HORMAD2: variants seen among roughly 807,000 people sequenced by gnomAD.
HORMAD2 encodes the protein HORMA domain-containing protein 2.
In HORMAD2, 45 loss-of-function variants were observed where a neutral mutation model predicts 38.8. That is an observed-to-expected ratio of 1.16 (90% CI 0.91 to 1.49). The LOEUF (loss-of-function observed/expected upper bound fraction) is 1.49. Among genes scored for constraint, HORMAD2 ranks in the 40% most tolerant of loss-of-function variants. The pLI is 0.00. For synonymous variants in HORMAD2, 126 were observed against 122.8 expected, an observed-to-expected ratio of 1.03 and a Z score of -0.17; for missense variants, 338 against 367.0, an observed-to-expected ratio of 0.92 and a Z score of 0.65.
intron 1 of HORMAD2, among the ~76,000 whole-genome samples, chr22:30,088,241 A>G (rs998449911): frequency 6.6e-6 from 1 of 150,410 alleles, no homozygotes; most frequent in Admixed American, 6.6e-5. Context: ...ATACACACAT[A>G]TATACATATA....
intron 10 of HORMAD2, among the ~76,000 whole-genome samples, chr22:30,158,437 T>A (rs1390121669): frequency 1.3e-5 from 2 of 152,154 alleles, no homozygotes; most frequent in Non-Finnish European, 2.9e-5. Flanking sequence ...ACTGTAGTGG[T>A]ATAGCTTGCT....
intron 10 of HORMAD2, among the ~76,000 whole-genome samples, chr22:30,157,451 T>C (rs1349563842): frequency 6.6e-6 from 1 of 152,016 alleles, no homozygotes; most frequent in Non-Finnish European, 1.5e-5. Context: ...CCCTCCCTTT[T>C]TTTTTTTTTA....
intron 1 of HORMAD2, among the ~76,000 whole-genome samples, chr22:30,093,650 G>A (rs2068730970): frequency 6.6e-6 from 1 of 152,080 alleles, no homozygotes; most frequent in African/African-American, 2.4e-5. Context: ...ATTAACAATA[G>A]GTACTTTTTT....
intron 10 of HORMAD2, among the ~76,000 whole-genome samples, chr22:30,164,924 C>T (rs1411590890): frequency 6.6e-6 from 1 of 152,170 alleles, no homozygotes; most frequent in Non-Finnish European, 1.5e-5. Context: ...TAATAGCATC[C>T]TTTGATGCAC....
At chr22:30,201,405 G>A in the HORMAD2 span, among the ~76,000 whole-genome samples, 2 of 146,064 alleles carry the variant, frequency 1.4e-5, no homozygotes, top group African/African-American at 2.5e-5. Context: ...GGTACCCAGA[G>A]TTAAGACTTT....
At position 30,152,524 on chromosome 22, in the gene HORMAD2, C is replaced by T. The variant is rs574546500; in HGVS notation, c.820-23539C>T. Among the ~76,000 whole-genome samples the T allele has an allele frequency of 2.0e-5, 3 of 151,072 alleles. No individual in the cohort carries two copies. The East Asian group carries it at 5.9e-4, about 30-fold the overall frequency. On this transcript the variant is annotated intron_variant, in intron 10 of 10. Coordinates refer to ENST00000336726, the MANE Select transcript of HORMAD2 (RefSeq NM_152510.4). ...TTTAAAAATTTTTGTAGAGACTAGG[C>T]CTTGTTATGTTGCCCAGGCTGGTCT...
chr22:30,103,923 G>C (rs1208608937), intron 4 of HORMAD2, among the ~76,000 whole-genome samples: 1 of 151,610 alleles, frequency 6.6e-6, no homozygotes, highest in Admixed American at 6.6e-5. Context: ...GCCCCCCAAA[G>C]TGCTGGGACT....
Position 30,136,628 on chromosome 22 carries a change from T to C in HORMAD2, c.819+14414T>C, listed in dbSNP as rs77624710. The C allele has an allele frequency of 3.4e-3, 518 of 151,964 alleles. 21 individuals carry two copies. The South Asian group carries it at 0.046, about 14-fold the overall frequency. 9.4% of individuals were successfully genotyped at this position (151,964 alleles called of 1,614,324 possible). A position where few individuals can be genotyped will look rare whatever the true frequency, so the allele number is the denominator to read the frequency against. Reference sequence around the variant, plus strand: ...TTTCTTTTCTTCTTCTTTTTTTTTTTCCACAAATAGGGCTTTTAATTTGAC... The same window carrying C: ...TTTCTTTTCTTCTTCTTTTTTTTTTCCCACAAATAGGGCTTTTAATTTGAC... On this transcript the variant is annotated intron_variant, in intron 10 of 10. Transcript: ENST00000336726.
chr22:30,166,756 A>G (rs1377136405), intron 10 of HORMAD2, among the ~76,000 whole-genome samples: 1 of 152,234 alleles, frequency 6.6e-6, no homozygotes, highest in Non-Finnish European at 1.5e-5. Flanking sequence ...GTGGATATTC[A>G]TTAGAAAGAA....
chr22:30,114,290 G>T (rs769838292), intron 7 of HORMAD2, among the ~76,000 whole-genome samples: 2 of 152,066 alleles, frequency 1.3e-5, no homozygotes, highest in Non-Finnish European at 2.9e-5. Context: ...CGTGTTCATG[G>T]TATACTTTTT....
At chr22:30,134,027 C>G (rs1360448321) in intron 10 of HORMAD2, among the ~76,000 whole-genome samples, 1 of 152,042 alleles carries the variant, frequency 6.6e-6, no homozygotes, top group Non-Finnish European at 1.5e-5. Flanking sequence ...TTGGAACAAA[C>G]AAACTTTATC....
chr22:30,125,211 C>CTTTTTTTTTTTTTTTTTT (rs1569099734), intron 10 of HORMAD2, among the ~76,000 whole-genome samples: 2 of 46,580 alleles, frequency 4.3e-5, no homozygotes, highest in South Asian at 9.5e-4. Flanking sequence ...CTTTCTTTTT[C>CTTTTTTTTTTTTTTTTTT]TTTTCTTTTT....
chr22:30,185,150 G>T, the HORMAD2 span, among the ~76,000 whole-genome samples: 1 of 152,150 alleles, frequency 6.6e-6, no homozygotes, highest in African/African-American at 2.4e-5. Context: ...CTGGGCTCTG[G>T]GATAGTTTGG....
chr22:30,162,105 C>A (rs925064894), intron 10 of HORMAD2, among the ~76,000 whole-genome samples: 2 of 152,040 alleles, frequency 1.3e-5, no homozygotes, highest in African/African-American at 4.8e-5. Context: ...TTTAGCCCAG[C>A]AGTTTGAGAC....
intron 7 of HORMAD2, among the ~76,000 whole-genome samples, chr22:30,118,082 T>G (rs1922179618): frequency 6.6e-6 from 1 of 152,200 alleles, no homozygotes. Context: ...TCTGCACTTT[T>G]AAAGGAGCCA....
At chr22:30,170,457 C>T (rs1430961912) in intron 10 of HORMAD2, among the ~76,000 whole-genome samples, 2 of 152,090 alleles carry the variant, frequency 1.3e-5, no homozygotes, top group Admixed American at 1.3e-4. Flanking sequence ...CACTTGGAGA[C>T]CACTTGGTAA....
chr22:30,202,940 G>A, the HORMAD2 span, among the ~76,000 whole-genome samples: 1 of 152,214 alleles, frequency 6.6e-6, no homozygotes, highest in South Asian at 2.1e-4. Flanking sequence ...CCCTGAGGTG[G>A]AGAAGGAGCT....
upstream of HORMAD2, among the ~76,000 whole-genome samples, chr22:30,078,607 CAAAAAAAAAAAAA>C (rs55966787): frequency 5.0e-4 from 14 of 28,104 alleles, no homozygotes; most frequent in Admixed American, 5.9e-4. Context: ...CTCTGTCTCA[CAAAAAAAAAAAAA>C]AAAAAAAAAA....
intron 10 of HORMAD2, among the ~76,000 whole-genome samples, chr22:30,156,012 C>G (rs1017510178): frequency 6.6e-6 from 1 of 151,362 alleles, no homozygotes; most frequent in South Asian, 2.2e-4. Flanking sequence ...GATGACCCTG[C>G]TTACCCTGCT....
Sources: allele counts gnomAD v4.1 joint callset (sites outside exome capture counted in the v4.1 genomes callset), GRCh38; gene constraint gnomAD v4.1.1; transcripts MANE v1.5; gene names NCBI Gene and HGNC (gene_info 2026-07-23, HGNC 2026-07-21).